The following CADPS2 variants were observed in gnomAD, a reference collection of about 807,000 sequenced individuals.
CADPS2 encodes calcium dependent secretion activator 2.
In CADPS2, 93 loss-of-function variants were observed where a neutral mutation model predicts 172.5. The observed-to-expected ratio is 0.54, with a 90% CI of 0.46 to 0.64. The LOEUF is 0.64. Ranked by LOEUF, CADPS2 falls within the 30% of genes least tolerant of loss-of-function variation. The pLI, the probability that CADPS2 is intolerant of heterozygous loss-of-function variation, is 0.00. For missense variants in CADPS2, 1,420 were observed against 1,565.9 expected, an observed-to-expected ratio of 0.91 and a Z score of 1.57; for synonymous variants, 546 against 555.2, an observed-to-expected ratio of 0.98 and a Z score of 0.23.
intron 8 of CADPS2, 80 bp from the exon 9 acceptor site, chr7:122,513,395 T>C: frequency 8.4e-7 from 1 of 1,190,180 alleles, no homozygotes; most frequent in Non-Finnish European, 1.2e-6. Flanking sequence ...CTTCCATAGG[T>C]ATTTATTTTT....
intron 1 of CADPS2, among the ~76,000 whole-genome samples, chr7:122,857,406 G>C (rs1314694308): frequency 1.3e-5 from 2 of 152,162 alleles, no homozygotes; most frequent in Non-Finnish European, 1.5e-5. Flanking sequence ...AAAAGTAAAA[G>C]AGAAATTCAG....
intron 1 of CADPS2, among the ~76,000 whole-genome samples, chr7:122,829,849 CCAAT>C (rs1432839414): frequency 4.9e-4 from 74 of 152,072 alleles, no homozygotes; most frequent in African/African-American, 1.8e-3. Context: ...TCAAAAGTCA[CCAAT>C]CAAATAATTT....
At chr7:122,437,316 A>G (rs752309786) in intron 17 of CADPS2, among the ~76,000 whole-genome samples, 20 of 152,064 alleles carry the variant, frequency 1.3e-4, no homozygotes, top group Non-Finnish European at 2.9e-4. Flanking sequence ...TTTTTTGTTA[A>G]TCACTCAGGA....
intron 27 of CADPS2, among the ~76,000 whole-genome samples, chr7:122,347,661 T>C (rs1157520605): frequency 6.6e-6 from 1 of 152,190 alleles, no homozygotes; most frequent in African/African-American, 2.4e-5. Flanking sequence ...TCCTTCACTA[T>C]TTCAATAATT....
At chr7:122,570,616 A>C (rs1268354800) in intron 7 of CADPS2, among the ~76,000 whole-genome samples, 4 of 150,442 alleles carry the variant, frequency 2.7e-5, no homozygotes, top group African/African-American at 9.9e-5. Flanking sequence ...CACAATAGCA[A>C]AGACTTGGAA....
chr7:122,620,489 T>A (rs1043031887), intron 5 of CADPS2, among the ~76,000 whole-genome samples: 1 of 152,158 alleles, frequency 6.6e-6, no homozygotes, highest in East Asian at 1.9e-4. Context: ...TAAGCCCACA[T>A]ACACACATCA....
intron 9 of CADPS2, among the ~76,000 whole-genome samples, chr7:122,510,303 T>C (rs1563550168): frequency 6.6e-6 from 1 of 152,154 alleles, no homozygotes; most frequent in Admixed American, 6.6e-5. Context: ...TTAAATTCTA[T>C]TTATTATTAT....
chr7:122,790,090 A>C (rs1794956385), intron 1 of CADPS2, among the ~76,000 whole-genome samples: 1 of 150,420 alleles, frequency 6.6e-6, no homozygotes, highest in African/African-American at 2.5e-5. Flanking sequence ...TGCAAAGATA[A>C]GATTGTGAAT....
rs531170726 is a variant in CADPS2, at chr7:122,540,881, T to C, written c.1475+13669A>G. Among the ~76,000 whole-genome samples, 34 of 152,270 alleles carry C rather than the reference T, an allele frequency of 2.2e-4. No homozygotes were observed. In the South Asian group the frequency reaches 5.4e-3, roughly 24 times the overall value. ...ATGACTTATAAAAACCAATTGATTT[T>C]ATAGAAATGTAAGTTATAGCAATGA... On this transcript the variant is annotated intron_variant, in intron 8 of 29. Coordinates refer to ENST00000449022, the MANE Select transcript of CADPS2 (RefSeq NM_017954.11).
chr7:122,842,326 G>A (rs1810781828), intron 1 of CADPS2, among the ~76,000 whole-genome samples: 1 of 152,128 alleles, frequency 6.6e-6, no homozygotes, highest in East Asian at 1.9e-4. Flanking sequence ...AAAAGCAAAT[G>A]AAAAAAATCT....
At chr7:122,430,655 G>T (rs2049787668) in intron 17 of CADPS2, among the ~76,000 whole-genome samples, 1 of 152,058 alleles carries the variant, frequency 6.6e-6, no homozygotes, top group African/African-American at 2.4e-5. Flanking sequence ...CACAAAAGAG[G>T]CAATTCAATG....
At chr7:122,454,159 A>C (rs1197931153) in intron 14 of CADPS2, among the ~76,000 whole-genome samples, 1 of 152,210 alleles carries the variant, frequency 6.6e-6, no homozygotes, top group Non-Finnish European at 1.5e-5. Context: ...TGTCATCAAC[A>C]TCTTGTCACT....
chr7:122,485,360 T>C (rs369554616), intron 11 of CADPS2, among the ~76,000 whole-genome samples: 3 of 152,244 alleles, frequency 2.0e-5, no homozygotes, highest in African/African-American at 7.2e-5. Flanking sequence ...TTAAAGTTGC[T>C]ACTCCAGTGA....
At chr7:122,398,704 G>C (rs1010988691) in intron 20 of CADPS2, among the ~76,000 whole-genome samples, 9 of 133,810 alleles carry the variant, frequency 6.7e-5, no homozygotes, top group Non-Finnish European at 1.5e-4. Flanking sequence ...CAGAACTGCA[G>C]TCTAGAACAG....
At chr7:122,553,066 T>G (rs2064525737) in intron 8 of CADPS2, among the ~76,000 whole-genome samples, 1 of 152,092 alleles carries the variant, frequency 6.6e-6, no homozygotes, top group Non-Finnish European at 1.5e-5. Context: ...CCTGATAAAT[T>G]TATCCTTCAA....
At chr7:122,755,600 C>A (rs1327062888) in intron 1 of CADPS2, among the ~76,000 whole-genome samples, 1 of 151,852 alleles carries the variant, frequency 6.6e-6, no homozygotes, top group African/African-American at 2.4e-5. Context: ...TAAAATGAAT[C>A]CCCAGATGTT....
intron 1 of CADPS2, among the ~76,000 whole-genome samples, chr7:122,783,943 T>G (rs1793416081): frequency 6.6e-6 from 1 of 152,216 alleles, no homozygotes; most frequent in African/African-American, 2.4e-5. Context: ...GGCTTGCGGC[T>G]ATTACTATAA....
At chr7:122,812,214 A>T (rs1445777512) in intron 1 of CADPS2, among the ~76,000 whole-genome samples, 1 of 152,124 alleles carries the variant, frequency 6.6e-6, no homozygotes, top group African/African-American at 2.4e-5. Flanking sequence ...GTTCTAAAAG[A>T]GTTTCATGAC....
At chr7:122,850,431 G>C in intron 1 of CADPS2, 1 of 270,462 alleles carries the variant, frequency 3.7e-6, no homozygotes, top group Non-Finnish European at 7.2e-6. Context: ...AAGCACTTAT[G>C]GATTCTTCTG....
Sources: allele counts gnomAD v4.1 joint callset (sites outside exome capture counted in the v4.1 genomes callset), GRCh38; gene constraint gnomAD v4.1.1; transcripts MANE v1.5; gene names NCBI Gene and HGNC (gene_info 2026-07-23, HGNC 2026-07-21).